KIF16B: variants seen among roughly 807,000 people sequenced by gnomAD.
KIF16B encodes the protein kinesin family member 16B.
KIF16B carries 98 observed loss-of-function variants against 156.3 expected under a neutral mutation model. That is an observed-to-expected ratio of 0.63 (90% CI 0.53 to 0.74). KIF16B has a LOEUF of 0.74. Among genes scored for constraint, KIF16B ranks in the 30% least tolerant of loss-of-function variants. The pLI is 0.00. For synonymous variants in KIF16B, 564 were observed against 583.7 expected (o/e 0.97, Z 0.49); for missense variants, 1,421 against 1,606.5 (o/e 0.88, Z 1.97).
At chr20:16,330,727 G>A (rs1353198750) in intron 24 of KIF16B, among the ~76,000 whole-genome samples, 1 of 152,170 alleles carries the variant, frequency 6.6e-6, no homozygotes, top group Non-Finnish European at 1.5e-5. Flanking sequence ...GTTGCATCTG[G>A]ACAGGCAGAA....
chr20:16,317,850 C>A (rs2063720411), intron 24 of KIF16B, among the ~76,000 whole-genome samples: 1 of 152,154 alleles, frequency 6.6e-6, no homozygotes, highest in Non-Finnish European at 1.5e-5. Context: ...GGATGCAATT[C>A]CACTCAAGGA....
intron 3 of KIF16B, among the ~76,000 whole-genome samples, chr20:16,519,043 T>C (rs1417192111): frequency 2.0e-5 from 3 of 152,198 alleles, no homozygotes; most frequent in African/African-American, 7.2e-5. Flanking sequence ...TCTACAAACC[T>C]GAGCAAGTTC....
At chr20:16,285,292 T>A (rs1321914143) in intron 25 of KIF16B, among the ~76,000 whole-genome samples, 4 of 152,210 alleles carry the variant, frequency 2.6e-5, no homozygotes, top group Admixed American at 2.0e-4. Context: ...ATTTTTAAAA[T>A]GTGTAATACT....
chr20:16,273,189 C>A lies in KIF16B; in HGVS notation c.*64G>T. ...CCGGATCCTCGCATGGGGGAGCTGC[C>A]CTGCATCGGAGCCCGCTTCGACGAG... On this transcript the variant is annotated 3_prime_UTR_variant, in exon 26 of 26. Transcript: ENST00000354981. 1 of 1,413,790 alleles carries A rather than the reference C, an allele frequency of 7.1e-7. No individual in the cohort carries two copies. The highest frequency in any genetic ancestry group is 1.2e-5 in the South Asian group (1 of 84,166). The allele number at this position is 1,413,790 out of a possible 1,614,324, so 87.6% of individuals were successfully genotyped here.
chr20:16,368,477 G>A, intron 22 of KIF16B: 10 of 986,274 alleles, frequency 1.0e-5, no homozygotes, highest in Non-Finnish European at 1.2e-5. Flanking sequence ...ACCTGGGAGG[G>A]GAGCCCCCTC....
intron 3 of KIF16B, among the ~76,000 whole-genome samples, chr20:16,521,545 T>G (rs2069352822): frequency 6.6e-6 from 1 of 152,162 alleles, no homozygotes. Context: ...TATGTTTGAT[T>G]GGTGTACCTC....
intron 25 of KIF16B, among the ~76,000 whole-genome samples, chr20:16,279,865 T>G (rs1644724501): frequency 6.6e-6 from 1 of 152,196 alleles, no homozygotes; most frequent in South Asian, 2.1e-4. Flanking sequence ...GCTGTGTTAA[T>G]AAGTTGTGAA....
At chr20:16,285,947 A>G (rs929492273) in intron 25 of KIF16B, among the ~76,000 whole-genome samples, 1 of 152,230 alleles carries the variant, frequency 6.6e-6, no homozygotes, top group African/African-American at 2.4e-5. Context: ...TTCACTTAAC[A>G]ACTTACACTA....
chr20:16,545,619 C>T lies in KIF16B; in HGVS notation c.48-17179G>A, dbSNP rs143844423. Among the ~76,000 whole-genome samples, 887 of 152,200 alleles carry T rather than the reference C, an allele frequency of 5.8e-3. 7 individuals carry two copies. Among genetic ancestry groups the T allele is most frequent in the African/African-American group, 0.02 (835 of 41,516 alleles). Reference sequence around the variant, plus strand: ...GGCAGAGGTTGTAGTGAGCCGAGATCGCACCACTGCACTCCAGCCTGGGTG... The same window carrying T: ...GGCAGAGGTTGTAGTGAGCCGAGATTGCACCACTGCACTCCAGCCTGGGTG... On this transcript the variant is annotated intron_variant, in intron 1 of 25. Coordinates refer to ENST00000354981, the MANE Select transcript of KIF16B (RefSeq NM_024704.5).
intron 17 of KIF16B, among the ~76,000 whole-genome samples, chr20:16,382,884 A>T (rs1382299789): frequency 6.6e-6 from 1 of 152,162 alleles, no homozygotes; most frequent in Non-Finnish European, 1.5e-5. Context: ...TAATGTGCAA[A>T]ATCCTGATTG....
intron 19 of KIF16B, among the ~76,000 whole-genome samples, chr20:16,375,843 G>T (rs749215402): frequency 7.9e-5 from 12 of 152,206 alleles, no homozygotes; most frequent in Admixed American, 3.3e-4. Context: ...GAGGTATCCT[G>T]AAGTCTGAGT....
rs772076054 is a variant in KIF16B, at chr20:16,371,683, T to C, written c.3429A>G (p.Thr1143=). 8 of 1,609,458 alleles carry C rather than the reference T, an allele frequency of 5.0e-6. No individual in the cohort carries two copies. The Admixed American group carries it at 5.0e-5, about 10-fold the overall frequency. ...LHRVISEGCS[T]SADTMKDNEK... is the part of the protein sequence containing the mutation. ...AGCTTACCTTCATCGTGTCTGCAGA[T>C]GTACTGCAGCCTTCACTAATCACAC... is the stretch of plus-strand genomic sequence containing the variant. Residue 1143 remains threonine (T), a synonymous_variant, in exon 21 of 26, where the codon ACA becomes ACG. Coordinates refer to ENST00000354981, the MANE Select transcript of KIF16B (RefSeq NM_024704.5).
intron 17 of KIF16B, among the ~76,000 whole-genome samples, chr20:16,397,765 A>G (rs1219364604): frequency 2.0e-5 from 3 of 152,240 alleles, no homozygotes; most frequent in African/African-American, 7.2e-5. Flanking sequence ...TTGTAGAAAC[A>G]CATCTGTGTG....
At chr20:16,450,483 C>G (rs181486832) in intron 12 of KIF16B, among the ~76,000 whole-genome samples, 2 of 152,270 alleles carry the variant, frequency 1.3e-5, no homozygotes, top group East Asian at 3.9e-4. Context: ...ACAGAAGAGC[C>G]AAGGACCTGA....
chr20:16,367,915 C>G, intron 22 of KIF16B: 1 of 1,471,328 alleles, frequency 6.8e-7, no homozygotes, highest in Non-Finnish European at 8.9e-7. Flanking sequence ...TCCACCAAAG[C>G]CAATCTGAAT....
chr20:16,406,975 C>T (rs1049741389), intron 15 of KIF16B, among the ~76,000 whole-genome samples: 2 of 152,154 alleles, frequency 1.3e-5, no homozygotes, highest in Non-Finnish European at 2.9e-5. Flanking sequence ...AACTTGTGTA[C>T]ATTTATGGTC....
At chr20:16,475,800 C>T (rs1376619992) in intron 12 of KIF16B, among the ~76,000 whole-genome samples, 1 of 152,152 alleles carries the variant, frequency 6.6e-6, no homozygotes, top group Non-Finnish European at 1.5e-5. Context: ...AAAATGACTA[C>T]CTAAGACCCA....
chr20:16,519,669 T>C (rs942131934), intron 3 of KIF16B, among the ~76,000 whole-genome samples: 2 of 152,268 alleles, frequency 1.3e-5, no homozygotes, highest in Admixed American at 6.5e-5. Flanking sequence ...GTACTGATGA[T>C]TCTGGTGCAT....
intron 3 of KIF16B, among the ~76,000 whole-genome samples, chr20:16,516,880 A>G (rs1369951340): frequency 6.6e-6 from 1 of 152,240 alleles, no homozygotes; most frequent in Non-Finnish European, 1.5e-5. Context: ...TAAACTCCCT[A>G]TGTGATTTCA....
Sources: allele counts gnomAD v4.1 joint callset (sites outside exome capture counted in the v4.1 genomes callset), GRCh38; gene constraint gnomAD v4.1.1; transcripts MANE v1.5; gene names NCBI Gene and HGNC (gene_info 2026-07-23, HGNC 2026-07-21).